Variants in IQCJ observed in about 807,000 individuals in gnomAD.
IQCJ encodes the protein IQ motif containing J.
IQCJ carries 9 observed loss-of-function variants against 11.0 expected under a neutral mutation model. The observed-to-expected ratio is 0.82, with a 90% confidence interval of 0.49 to 1.43. The LOEUF (loss-of-function observed/expected upper bound fraction) is 1.43, where lower values mean the gene tolerates loss of function less well. Ranked by LOEUF, IQCJ falls within the 40% of genes most tolerant of loss-of-function variation. The probability of loss-of-function intolerance (pLI) is 0.00; values close to 1 mark genes in which losing one functional copy is unlikely to be tolerated. For synonymous variants in IQCJ, 55 were observed against 51.3 expected (o/e 1.07, Z -0.31); for missense variants, 146 against 133.2 (o/e 1.10, Z -0.47).
chr3:159,265,438 C>T (rs775914297), downstream of IQCJ: 2 of 1,545,796 alleles, frequency 1.3e-6, no homozygotes, highest in Non-Finnish European at 1.8e-6. Flanking sequence ...ATAGGATGAT[C>T]CCTGGCCTAC....
At chr3:159,245,250 C>T (rs1727187948) in intron 1 of IQCJ, among the ~76,000 whole-genome samples, 1 of 151,864 alleles carries the variant, frequency 6.6e-6, no homozygotes, top group South Asian at 2.1e-4. Flanking sequence ...CAGCAACCAG[C>T]AATGACAATA....
intron 3 of IQCJ, among the ~76,000 whole-genome samples, chr3:159,254,304 G>A (rs1473453847): frequency 6.6e-6 from 1 of 152,090 alleles, no homozygotes; most frequent in Non-Finnish European, 1.5e-5. Context: ...GGGGCTGTGG[G>A]GTAGGTACCA....
At chr3:159,223,050 A>G (rs1192385558) in intron 1 of IQCJ, among the ~76,000 whole-genome samples, 2 of 152,132 alleles carry the variant, frequency 1.3e-5, no homozygotes, top group African/African-American at 2.4e-5. Flanking sequence ...CTACTCAAGG[A>G]AAAAACATGT....
At chr3:159,251,596 G>A (rs1727603531) in intron 2 of IQCJ, among the ~76,000 whole-genome samples, 1 of 149,548 alleles carries the variant, frequency 6.7e-6, no homozygotes, top group Admixed American at 6.7e-5. Context: ...AGTTGGGGGA[G>A]TAATGTTTCT....
At chr3:159,132,658 G>A (rs1318937901) in intron 1 of IQCJ, among the ~76,000 whole-genome samples, 2 of 152,176 alleles carry the variant, frequency 1.3e-5, no homozygotes, top group Admixed American at 6.5e-5. Context: ...CTTACTAACC[G>A]ATAAGGCCAC....
rs527912455 is a variant in IQCJ at position 159,113,059 on chromosome 3, T to G, written c.9+43618T>G. Among the ~76,000 whole-genome samples the G allele has an allele frequency of 9.2e-5, 14 of 152,326 alleles. 1 individual carries two copies. In the South Asian group the frequency reaches 2.7e-3, roughly 29 times the overall value. On this transcript the variant is annotated intron_variant, in intron 1 of 3. Transcript: ENST00000397832. ...ATGTTGGAAAAGGGGAATGTAATCT[T>G]ATAATAACTTTTTGGTTGATGGGCT...
At chr3:159,191,457 G>T (rs986151554) in intron 1 of IQCJ, among the ~76,000 whole-genome samples, 1 of 152,158 alleles carries the variant, frequency 6.6e-6, no homozygotes, top group Non-Finnish European at 1.5e-5. Flanking sequence ...GCTCAGTTTT[G>T]ATTTTTCCTC....
At chr3:159,184,880 A>G (rs891097592) in intron 1 of IQCJ, among the ~76,000 whole-genome samples, 53 of 152,188 alleles carry the variant, frequency 3.5e-4, no homozygotes, top group African/African-American at 1.2e-3. Context: ...TAGGCTCTGG[A>G]TTGAATTTGC....
intron 1 of IQCJ, among the ~76,000 whole-genome samples, chr3:159,227,038 A>T (rs1325112800): frequency 1.3e-5 from 2 of 152,326 alleles, no homozygotes; most frequent in Non-Finnish European, 2.9e-5. Flanking sequence ...ACAGCTGCTG[A>T]AATCAGGAGG....
At chr3:159,251,698 C>A (rs1727612590) in intron 2 of IQCJ, among the ~76,000 whole-genome samples, 1 of 151,972 alleles carries the variant, frequency 6.6e-6, no homozygotes, top group Non-Finnish European at 1.5e-5. Context: ...CCTATGAAAA[C>A]TTCAGTCAGT....
chr3:159,133,951 CAGGCTGTTTTCTCCTCCAA>C (rs1163170780), intron 1 of IQCJ, among the ~76,000 whole-genome samples: 1 of 151,668 alleles, frequency 6.6e-6, no homozygotes, highest in Non-Finnish European at 1.5e-5. Context: ...AGGTATCCAC[CAGGCTGTTTTCTCCTCCAA>C]AGGCTCGACT....
At chr3:159,092,699 A>AACACACACACACACACACACACACACAC (rs57083405) in intron 1 of IQCJ, among the ~76,000 whole-genome samples, 6 of 141,600 alleles carry the variant, frequency 4.2e-5, no homozygotes, top group East Asian at 4.3e-4. Flanking sequence ...CTCCATCACA[A>AACACACACACACACACACACACACACAC]ACACACACAC....
intron 1 of IQCJ, among the ~76,000 whole-genome samples, chr3:159,219,436 T>G (rs909533176): frequency 3.3e-5 from 5 of 152,138 alleles, no homozygotes; most frequent in African/African-American, 4.8e-5. Flanking sequence ...CTTCTCTATA[T>G]GGGGATACTT....
At chr3:159,253,968 CA>C (rs1727750843) in intron 3 of IQCJ, among the ~76,000 whole-genome samples, 1 of 152,210 alleles carries the variant, frequency 6.6e-6, no homozygotes, top group African/African-American at 2.4e-5. Context: ...GGCTACCCCT[CA>C]AGATGAAGTC....
chr3:159,260,703 T>C (rs764935255), intron 3 of IQCJ, among the ~76,000 whole-genome samples: 5 of 152,144 alleles, frequency 3.3e-5, no homozygotes, highest in Non-Finnish European at 5.9e-5. Context: ...GAAATAAAAA[T>C]GCACTTTGAG....
chr3:159,180,544 T>A (rs1723037178), intron 1 of IQCJ, among the ~76,000 whole-genome samples: 1 of 151,890 alleles, frequency 6.6e-6, no homozygotes. Flanking sequence ...AGTAAATGGA[T>A]GAATAGATAG....
At chr3:159,155,860 T>C (rs1204649656) in intron 1 of IQCJ, among the ~76,000 whole-genome samples, 3 of 152,232 alleles carry the variant, frequency 2.0e-5, no homozygotes, top group African/African-American at 7.2e-5. Context: ...TAATGCATAT[T>C]ACCATGTTAT....
intron 1 of IQCJ, among the ~76,000 whole-genome samples, chr3:159,118,317 G>T (rs939755969): frequency 1.3e-5 from 2 of 152,132 alleles, no homozygotes; most frequent in South Asian, 2.1e-4. Context: ...GTTGGTAGAT[G>T]CTCCCAGCAG....
intron 1 of IQCJ, among the ~76,000 whole-genome samples, chr3:159,114,737 C>A (rs1286209393): frequency 6.6e-6 from 1 of 152,184 alleles, no homozygotes; most frequent in Non-Finnish European, 1.5e-5. Context: ...TGCGCATCTG[C>A]CACAAGAAGC....
Sources: gnomAD v4.1 joint callset for allele counts (sites outside exome capture counted in the v4.1 genomes callset) on GRCh38, gnomAD v4.1.1 for gene constraint, MANE v1.5 for transcripts, NCBI Gene and HGNC (gene_info 2026-07-23, HGNC 2026-07-21) for gene names.